Variants in WLS observed in about 807,000 individuals in gnomAD.
WLS encodes the protein Wnt ligand secretion mediator.
WLS carries 23 observed loss-of-function variants against 62.8 expected under a neutral mutation model. That is an observed-to-expected ratio of 0.37 (90% CI 0.26 to 0.52). WLS has a LOEUF of 0.52. Ranked by LOEUF, WLS falls within the 20% of genes least tolerant of loss-of-function variation. The pLI is 0.92. For missense variants in WLS, 615 were observed against 697.3 expected, an observed-to-expected ratio of 0.88 and a Z score of 1.33; for synonymous variants, 246 against 244.1, an observed-to-expected ratio of 1.01 and a Z score of -0.07.
At chr1:68,201,347 A>G (rs908009982) in intron 1 of WLS, among the ~76,000 whole-genome samples, 6 of 152,248 alleles carry the variant, frequency 3.9e-5, no homozygotes, top group African/African-American at 1.4e-4. Flanking sequence ...AAATATTTGC[A>G]TTAAATTGAC....
intron 11 of WLS, among the ~76,000 whole-genome samples, chr1:68,114,531 A>C (rs1312611160): frequency 6.6e-6 from 1 of 152,226 alleles, no homozygotes; most frequent in African/African-American, 2.4e-5. Flanking sequence ...TAAGTGGTAT[A>C]ATCCTCATTT....
In WLS at chr1:68,125,736, T is replaced by TA. The variant is rs1446693356; in HGVS notation, c.*489dup. The TA allele has an allele frequency of 2.2e-5, 22 of 985,912 alleles. No homozygotes were observed. Among genetic ancestry groups the TA allele is most frequent in the Non-Finnish European group, 2.4e-5 (20 of 830,404 alleles). The allele number at this position is 985,912 out of a possible 1,614,324, so 61.1% of individuals were successfully genotyped here. A position where few individuals can be genotyped will look rare whatever the true frequency, so the allele number is the denominator to read the frequency against. Reference sequence around the variant, plus strand: ...ATTAACTCAGTGGGCTACCTGGTGATATAAATAGGAAAAAAACAGTGGTCA... The same window carrying TA: ...ATTAACTCAGTGGGCTACCTGGTGATAATAAATAGGAAAAAAACAGTGGTCA... On this transcript the variant is annotated 3_prime_UTR_variant, in exon 12 of 12. Transcript: ENST00000262348.
intron 2 of WLS, among the ~76,000 whole-genome samples, chr1:68,189,978 C>T (rs1385165248): frequency 6.6e-6 from 1 of 152,226 alleles, no homozygotes; most frequent in African/African-American, 2.4e-5. Context: ...CACCGTACTC[C>T]AGCCTGGGTG....
At chr1:68,098,462 G>A, downstream of WLS, 1 of 1,054,874 alleles carries the variant, frequency 9.5e-7, no homozygotes, top group Non-Finnish European at 1.3e-6. Context: ...ATGGATGTAA[G>A]AGAAGTAAGA....
chr1:68,156,637 A>G lies in WLS; in HGVS notation c.505-1377T>C, dbSNP rs112762939. 3.3e-4 allele frequency among the ~76,000 whole-genome samples: 51 copies of G among 152,350 alleles called. 1 individual carries two copies. The highest frequency in any genetic ancestry group is 1.2e-3 in the African/African-American group (50 of 41,576). Reference sequence around the variant, plus strand: ...CAGTTTTTATCCCTAAGGTGTGAGCAGCTCTTGTCAGACACACCAGTTGAT... The same window carrying G: ...CAGTTTTTATCCCTAAGGTGTGAGCGGCTCTTGTCAGACACACCAGTTGAT... On this transcript the variant is annotated intron_variant, in intron 3 of 11. Transcript: ENST00000262348.
intron 2 of WLS, among the ~76,000 whole-genome samples, chr1:68,180,485 T>C (rs1647492612): frequency 6.6e-6 from 1 of 152,084 alleles, no homozygotes; most frequent in East Asian, 1.9e-4. Context: ...GTGTCTAGAC[T>C]TGCTGGTTCC....
At chr1:68,145,252 G>A (rs1224439656) in intron 9 of WLS, among the ~76,000 whole-genome samples, 1 of 152,124 alleles carries the variant, frequency 6.6e-6, no homozygotes, top group Non-Finnish European at 1.5e-5. Flanking sequence ...TTTCATACAG[G>A]AATTAGGCTT....
At chr1:68,129,011 A>G (rs2820484) in intron 11 of WLS, among the ~76,000 whole-genome samples, 138,620 of 151,908 alleles carry the variant, frequency 0.91, 63,558 homozygotes, top group South Asian at 0.98. Context: ...AAGTCCACAC[A>G]CACAGCATTA....
exon 12 of WLS, chr1:68,098,565 A>C: frequency 1.3e-6 from 2 of 1,593,750 alleles, no homozygotes; most frequent in Admixed American, 1.7e-5. Flanking sequence ...GTGCGTATAC[A>C]AGTACAATCA....
chr1:68,224,675 A>G (rs927524961), intron 1 of WLS, among the ~76,000 whole-genome samples: 3 of 152,046 alleles, frequency 2.0e-5, no homozygotes, highest in African/African-American at 7.2e-5. Context: ...ATGTCTCAGG[A>G]GTTGGGGATC....
At chr1:68,197,441 T>C (rs539767155) in intron 1 of WLS, among the ~76,000 whole-genome samples, 1 of 152,172 alleles carries the variant, frequency 6.6e-6, no homozygotes, top group Non-Finnish European at 1.5e-5. Flanking sequence ...AATAAATTAG[T>C]CCTTGAGTCT....
At chr1:68,230,588 C>CGTGTGTGTGTGT (rs145944948) in intron 1 of WLS, among the ~76,000 whole-genome samples, 30 of 149,156 alleles carry the variant, frequency 2.0e-4, no homozygotes, top group African/African-American at 3.5e-4. Flanking sequence ...TGTGTGCGCG[C>CGTGTGTGTGTGT]GTGTGTGTGT....
chr1:68,192,910 C>A (rs1452069277), intron 2 of WLS, among the ~76,000 whole-genome samples: 6 of 138,830 alleles, frequency 4.3e-5, no homozygotes, highest in Non-Finnish European at 9.3e-5. Context: ...GCCTGGCCAA[C>A]ATGGTAAAAC....
intron 11 of WLS, among the ~76,000 whole-genome samples, chr1:68,136,530 T>TA (rs1169710773): frequency 2.6e-5 from 4 of 152,200 alleles, no homozygotes; most frequent in Non-Finnish European, 5.9e-5. Flanking sequence ...CCCCGCTTTG[T>TA]AAAGACTGAC....
At chr1:68,151,056 G>A (rs977436312) in intron 5 of WLS, among the ~76,000 whole-genome samples, 9 of 152,192 alleles carry the variant, frequency 5.9e-5, no homozygotes, top group African/African-American at 2.2e-4. Context: ...GTTAGTAGAG[G>A]AGCCAGATAA....
chr1:68,207,562 A>G (rs1053616532), intron 1 of WLS, among the ~76,000 whole-genome samples: 5 of 152,268 alleles, frequency 3.3e-5, no homozygotes, highest in Non-Finnish European at 7.3e-5. Flanking sequence ...GAAAACAATG[A>G]TTACAGAGTA....
At chr1:68,199,005 A>C (rs748377568) in intron 1 of WLS, among the ~76,000 whole-genome samples, 18 of 152,190 alleles carry the variant, frequency 1.2e-4, no homozygotes, top group Non-Finnish European at 2.6e-4. Flanking sequence ...TCATGCTTAA[A>C]ATTGAGTCAA....
chr1:68,218,423 C>G (rs1649820338), intron 1 of WLS, among the ~76,000 whole-genome samples: 1 of 152,150 alleles, frequency 6.6e-6, no homozygotes, highest in Non-Finnish European at 1.5e-5. Context: ...ACCAGTACAA[C>G]TAGGTTCACA....
chr1:68,220,051 T>G (rs1215464528), intron 1 of WLS, among the ~76,000 whole-genome samples: 3 of 152,194 alleles, frequency 2.0e-5, no homozygotes, highest in African/African-American at 7.2e-5. Context: ...TAAAGAGCCA[T>G]GAATACTGGC....
Sources: allele counts gnomAD v4.1 joint callset (sites outside exome capture counted in the v4.1 genomes callset), GRCh38; gene constraint gnomAD v4.1.1; transcripts MANE v1.5; gene names NCBI Gene and HGNC (gene_info 2026-07-23, HGNC 2026-07-21).